The following IMMP1L variants were observed in gnomAD, a reference collection of about 807,000 sequenced individuals.
The protein encoded by IMMP1L is mitochondrial inner membrane protease subunit 1.
IMMP1L carries 24 observed loss-of-function variants against 21.8 expected under a neutral mutation model. The ratio of observed to expected loss-of-function variants is 1.10; its 90% CI spans 0.80 to 1.55. The LOEUF (loss-of-function observed/expected upper bound fraction) is 1.55, where lower values mean the gene tolerates loss of function less well. Among genes scored for constraint, IMMP1L ranks in the 40% most tolerant of loss-of-function variants. The pLI, the probability that IMMP1L is intolerant of heterozygous loss-of-function variation, is 0.00. For synonymous variants in IMMP1L, 46 were observed against 62.8 expected (o/e 0.73, Z 1.26); for missense variants, 195 against 200.7 (o/e 0.97, Z 0.17).
At chr11:31,496,959 T>C (rs1955462103) in intron 1 of IMMP1L, among the ~76,000 whole-genome samples, 1 of 145,718 alleles carries the variant, frequency 6.9e-6, no homozygotes, top group Non-Finnish European at 1.5e-5. Flanking sequence ...ACGTATATCA[T>C]ATATATCATC....
intron 4 of IMMP1L, among the ~76,000 whole-genome samples, chr11:31,444,583 C>T (rs918496572): frequency 1.9e-4 from 28 of 148,300 alleles, no homozygotes; most frequent in Non-Finnish European, 3.7e-4. Flanking sequence ...ACTAACATTT[C>T]TATTCTTTTT....
chr11:31,462,187 C>T (rs564771873), intron 2 of IMMP1L, among the ~76,000 whole-genome samples: 62 of 151,870 alleles, frequency 4.1e-4, no homozygotes, highest in Admixed American at 9.2e-4. Flanking sequence ...TGGTGATGTG[C>T]GCCTGTAGTC....
At chr11:31,493,557 C>A (rs907177706) in intron 1 of IMMP1L, among the ~76,000 whole-genome samples, 1 of 152,142 alleles carries the variant, frequency 6.6e-6, no homozygotes, top group Non-Finnish European at 1.5e-5. Context: ...AATTTCATGT[C>A]CTCACATTTC....
intron 1 of IMMP1L, among the ~76,000 whole-genome samples, chr11:31,495,775 C>T (rs1223111): frequency 0.015 from 2,345 of 152,190 alleles, 53 homozygotes; most frequent in African/African-American, 0.054. Flanking sequence ...GGGGAAAAGG[C>T]AGTCTTTTCA....
intron 4 of IMMP1L, 25 bp from the exon 5 acceptor site, chr11:31,433,595 C>T (rs754857082): frequency 2.8e-6 from 4 of 1,441,146 alleles, no homozygotes; most frequent in Non-Finnish European, 3.9e-6. Flanking sequence ...GAAATGCAGC[C>T]TCTTAAAGAT....
At chr11:31,462,119 A>G (rs1954163101) in intron 2 of IMMP1L, among the ~76,000 whole-genome samples, 1 of 152,130 alleles carries the variant, frequency 6.6e-6, no homozygotes, top group South Asian at 2.1e-4. Context: ...GTTCGTGCAC[A>G]GCCTGGCCAA....
intron 4 of IMMP1L, among the ~76,000 whole-genome samples, chr11:31,443,263 G>A (rs1250933331): frequency 1.3e-5 from 2 of 152,150 alleles, no homozygotes; most frequent in East Asian, 3.8e-4. Context: ...TTTGAGTCAT[G>A]TAACAGCAAA....
chr11:31,464,888 C>A (rs1456908190), intron 1 of IMMP1L, among the ~76,000 whole-genome samples: 4 of 152,056 alleles, frequency 2.6e-5, no homozygotes, highest in Non-Finnish European at 5.9e-5. Flanking sequence ...GAACAAGACA[C>A]GGATGCCCAC....
chr11:31,495,110 CT>C (rs1035910466), intron 1 of IMMP1L, among the ~76,000 whole-genome samples: 3 of 152,210 alleles, frequency 2.0e-5, no homozygotes, highest in African/African-American at 7.2e-5. Context: ...GCAGAGTTAC[CT>C]TTGCTCCAGT....
intron 5 of IMMP1L, among the ~76,000 whole-genome samples, chr11:31,433,190 A>G (rs1335346644): frequency 6.6e-6 from 1 of 152,232 alleles, no homozygotes. Flanking sequence ...TAAGAGTTGT[A>G]CAAGAGAGAA....
chr11:31,502,542 T>C (rs1291257285), intron 1 of IMMP1L, among the ~76,000 whole-genome samples: 1 of 152,242 alleles, frequency 6.6e-6, no homozygotes, highest in Non-Finnish European at 1.5e-5. Flanking sequence ...GCAAAATCAG[T>C]AGATGTGATT....
rs199866368 is a variant in IMMP1L, at chr11:31,496,615, ATG to A, written c.-30+12902_-30+12903del. On this transcript the variant is annotated intron_variant, in intron 1 of 5. Coordinates refer to ENST00000532287, the MANE Select transcript of IMMP1L (RefSeq NM_001304274.2). ...TGAATGGATAAACAAACTGTGATAT[ATG>A]TGTGTGTGTGTGTGTGTGTATATTA... Among the ~76,000 whole-genome samples, 924 of 148,930 alleles carry A rather than the reference ATG, an allele frequency of 6.2e-3. 2 individuals are homozygous for A. The highest frequency in any genetic ancestry group is 0.018 in the Middle Eastern group (5 of 284).
intron 1 of IMMP1L, among the ~76,000 whole-genome samples, chr11:31,476,420 T>C (rs1954731151): frequency 6.6e-6 from 1 of 152,090 alleles, no homozygotes; most frequent in South Asian, 2.1e-4. Flanking sequence ...ACTTTTCTAG[T>C]AAAGACTTTA....
intron 1 of IMMP1L, among the ~76,000 whole-genome samples, chr11:31,481,886 G>A (rs965725022): frequency 6.6e-5 from 10 of 151,950 alleles, no homozygotes; most frequent in African/African-American, 2.4e-4. Context: ...TGAAGTAACA[G>A]GGATTGTGTC....
At chr11:31,479,256 AT>A (rs1243606502) in intron 1 of IMMP1L, among the ~76,000 whole-genome samples, 5 of 152,074 alleles carry the variant, frequency 3.3e-5, no homozygotes, top group Admixed American at 2.6e-4. Flanking sequence ...AACACTCCAC[AT>A]TTATTACATT....
chr11:31,453,525 G>A (rs1261287819), intron 4 of IMMP1L, among the ~76,000 whole-genome samples: 1 of 152,260 alleles, frequency 6.6e-6, no homozygotes, highest in African/African-American at 2.4e-5. Flanking sequence ...TATTGCACCA[G>A]TGTGCTTCTG....
intron 4 of IMMP1L, chr11:31,453,187 T>TG: frequency 9.7e-7 from 1 of 1,030,456 alleles, no homozygotes; most frequent in Non-Finnish European, 1.3e-6. Context: ...AAAAGAACTC[T>TG]GGAAAGAATA....
At chr11:31,449,254 T>C (rs1953656398) in intron 4 of IMMP1L, among the ~76,000 whole-genome samples, 1 of 152,204 alleles carries the variant, frequency 6.6e-6, no homozygotes, top group Non-Finnish European at 1.5e-5. Context: ...AGTACTTTTT[T>C]CTGTTTATAA....
chr11:31,458,138 A>G (rs533989714), intron 3 of IMMP1L, among the ~76,000 whole-genome samples: 9 of 151,090 alleles, frequency 6.0e-5, no homozygotes, highest in Non-Finnish European at 1.2e-4. Flanking sequence ...CAACATAGAA[A>G]TCATAATTCA....
Sources: gnomAD v4.1 joint callset for allele counts (sites outside exome capture counted in the v4.1 genomes callset) on GRCh38, gnomAD v4.1.1 for gene constraint, MANE v1.5 for transcripts, NCBI Gene and HGNC (gene_info 2026-07-23, HGNC 2026-07-21) for gene names.